The following ZNF846 variants were observed in gnomAD, a reference collection of about 807,000 sequenced individuals.
The protein encoded by ZNF846 is zinc finger protein 846, also known as zinc finger protein 420 pseudogene.
Under a neutral mutation model 16.0 loss-of-function variants are expected in ZNF846, and 15 were observed. That is an observed-to-expected ratio of 0.94 (90% CI 0.63 to 1.45). ZNF846 has a LOEUF of 1.45. Among genes scored for constraint, ZNF846 ranks in the 40% most tolerant of loss-of-function variants. The pLI is 0.00. For missense variants in ZNF846, 714 were observed against 622.3 expected, an observed-to-expected ratio of 1.15 and a Z score of -1.57; for synonymous variants, 229 against 212.0, an observed-to-expected ratio of 1.08 and a Z score of -0.70.
intron 1 of ZNF846, among the ~76,000 whole-genome samples, chr19:9,781,048 C>T (rs1178824496): frequency 1.3e-5 from 2 of 152,182 alleles, no homozygotes; most frequent in Non-Finnish European, 2.9e-5. Context: ...TTCATATGCT[C>T]TTCTTGTCCA....
At chr19:9,748,766 G>A (rs546177414), downstream of ZNF846, among the ~76,000 whole-genome samples, 142 of 152,172 alleles carry the variant, frequency 9.3e-4, no homozygotes, top group South Asian at 6.0e-3. Context: ...GCTTGTCCTC[G>A]AGAAGCTACA....
intron 1 of ZNF846, 43 bp from the exon 2 acceptor site, chr19:9,765,078 A>G: frequency 1.9e-6 from 2 of 1,077,490 alleles, no homozygotes; most frequent in Non-Finnish European, 2.9e-6. Context: ...TACATCAAAG[A>G]AAAAGTATTT....
intron 1 of ZNF846, among the ~76,000 whole-genome samples, chr19:9,776,608 C>T (rs1409166717): frequency 6.6e-6 from 1 of 152,206 alleles, no homozygotes; most frequent in African/African-American, 2.4e-5. Context: ...AACAGCGCAG[C>T]CAGACATTTG....
chr19:9,769,108 A>G (rs577044317), upstream of ZNF846, among the ~76,000 whole-genome samples: 37 of 152,116 alleles, frequency 2.4e-4, no homozygotes, highest in Non-Finnish European at 4.6e-4. Context: ...TTTTTGAGAT[A>G]AGGCTCCGGT....
chr19:9,773,707 G>T (rs984927051), intron 1 of ZNF846, among the ~76,000 whole-genome samples: 1 of 152,060 alleles, frequency 6.6e-6, no homozygotes, highest in Non-Finnish European at 1.5e-5. Context: ...ACTTGAACCC[G>T]GTAGGTGGAG....
intron 1 of ZNF846, among the ~76,000 whole-genome samples, chr19:9,785,697 C>G (rs1397272676): frequency 2.5e-5 from 2 of 78,780 alleles, no homozygotes; most frequent in Non-Finnish European, 5.4e-5. Flanking sequence ...ACTCCGCCCC[C>G]GTCTCTCCCT....
At chr19:9,782,116 A>T (rs2045507991) in intron 1 of ZNF846, among the ~76,000 whole-genome samples, 1 of 152,056 alleles carries the variant, frequency 6.6e-6, no homozygotes, top group Non-Finnish European at 1.5e-5. Flanking sequence ...GAGATAGAAG[A>T]ACTTTCCCTC....
chr19:9,775,841 A>G (rs1273332169), intron 1 of ZNF846, among the ~76,000 whole-genome samples: 1 of 152,218 alleles, frequency 6.6e-6, no homozygotes, highest in Non-Finnish European at 1.5e-5. Flanking sequence ...ACATAAAACA[A>G]GAATAGTTGT....
downstream of ZNF846, chr19:9,756,370 T>TAC (rs1568320045): frequency 7.5e-5 from 10 of 133,026 alleles, 1 homozygote; most frequent in African/African-American, 3.3e-4. Context: ...TATATATATA[T>TAC]ATATATATAT....
intron 1 of ZNF846, among the ~76,000 whole-genome samples, chr19:9,767,645 T>A (rs996437890): frequency 6.6e-6 from 1 of 151,722 alleles, no homozygotes; most frequent in Non-Finnish European, 1.5e-5. Flanking sequence ...TAAAAATATA[T>A]GAGGGGGAAG....
At chr19:9,750,949 A>G (rs559360156), downstream of ZNF846, among the ~76,000 whole-genome samples, 9 of 152,236 alleles carry the variant, frequency 5.9e-5, no homozygotes, top group South Asian at 1.5e-3. Context: ...TTTAACTTTA[A>G]TCAGTCTGGC....
chr19:9,777,552 T>A (rs2045459348), intron 1 of ZNF846, among the ~76,000 whole-genome samples: 1 of 151,672 alleles, frequency 6.6e-6, no homozygotes, highest in African/African-American at 2.4e-5. Flanking sequence ...GTGCCTGTAA[T>A]CCCAGCTACT....
At chr19:9,764,211 T>A (rs1247897811) in intron 2 of ZNF846, among the ~76,000 whole-genome samples, 2 of 152,218 alleles carry the variant, frequency 1.3e-5, no homozygotes, top group Non-Finnish European at 2.9e-5. Context: ...TAGGCCTCTT[T>A]AAAGTTAAGG....
At chr19:9,760,034 G>T in intron 4 of ZNF846, 92 bp from the exon 5 acceptor site, 1 of 898,666 alleles carries the variant, frequency 1.1e-6, no homozygotes, top group South Asian at 1.5e-5. Context: ...GCTCACACCT[G>T]TAATCCTAGC....
chr19:9,769,240 C>T (rs2045367401), upstream of ZNF846, among the ~76,000 whole-genome samples: 2 of 151,850 alleles, frequency 1.3e-5, no homozygotes, highest in South Asian at 4.2e-4. Context: ...GGGCCCATCA[C>T]GCCCAGCTAA....
Position 9,763,428 on chromosome 19 carries a change from C to A in ZNF846, c.16-20G>T. 1.3e-6 allele frequency: 2 copies of A among 1,576,694 alleles called. No homozygotes were observed. The highest frequency in any genetic ancestry group is 1.7e-6 in the Non-Finnish European group (2 of 1,163,438). Reference sequence around the variant, plus strand: ...TAAGTGCTAAACCATTAAATACATGCCAGCTTCAGCTAAGTACCATCTCCT... The same window carrying A: ...TAAGTGCTAAACCATTAAATACATGACAGCTTCAGCTAAGTACCATCTCCT... On this transcript the variant is annotated intron_variant, in intron 2 of 5. Coordinates refer to ENST00000397902, the Ensembl canonical transcript of ZNF846.
exon 6 of ZNF846, chr19:9,757,864 T>C (rs1288625805): frequency 1.2e-6 from 2 of 1,611,180 alleles, no homozygotes; most frequent in South Asian, 1.1e-5. Context: ...ATTGAGGAAT[T>C]ATTAAAGGCT....
exon 6 of ZNF846, chr19:9,757,605 G>A: frequency 6.2e-7 from 1 of 1,613,632 alleles, no homozygotes; most frequent in South Asian, 1.1e-5. Context: ...GTTAAGGTAT[G>A]TGGAATACCT....
At chr19:9,758,337 ATTC>A (rs1376375199) in exon 6 of ZNF846, 2 of 1,613,328 alleles carry the variant, frequency 1.2e-6, no homozygotes, top group Non-Finnish European at 8.5e-7. Flanking sequence ...TCCACTGTGA[ATTC>A]TTCCATGTCC....
Sources: allele counts gnomAD v4.1 joint callset (sites outside exome capture counted in the v4.1 genomes callset), GRCh38; gene constraint gnomAD v4.1.1; transcripts MANE v1.5; gene names NCBI Gene and HGNC (gene_info 2026-07-23, HGNC 2026-07-21).